The following DCC variants were observed in gnomAD, a reference collection of about 807,000 sequenced individuals.
DCC encodes DCC netrin 1 receptor, also known as netrin receptor DCC.
DCC carries 58 observed loss-of-function variants against 172.5 expected under a neutral mutation model. The ratio of observed to expected loss-of-function variants is 0.34; its 90% CI spans 0.27 to 0.42. The LOEUF (loss-of-function observed/expected upper bound fraction) is 0.42. DCC is among the 10% of genes least tolerant of loss of function. DCC has a pLI of 1.00. For synonymous variants in DCC, 709 were observed against 644.5 expected (o/e 1.10, Z -1.52); for missense variants, 1,740 against 1,791.0 (o/e 0.97, Z 0.51).
chr18:52,474,220 GAGAGAGAGAGAGAGAGAGAGAGAA>G (rs1372983386), intron 1 of DCC, among the ~76,000 whole-genome samples: 3 of 119,046 alleles, frequency 2.5e-5, no homozygotes, highest in East Asian at 5.0e-4. Context: ...GAGAGAGAGA[GAGAGAGAGAGAGAGAGAGAGAGAA>G]AGAGAGAGAA....
At chr18:53,105,051 C>G (rs73957085) in intron 7 of DCC, among the ~76,000 whole-genome samples, 2,069 of 152,070 alleles carry the variant, frequency 0.014, 40 homozygotes, top group African/African-American at 0.047. Flanking sequence ...TTTAATACTA[C>G]TGGAAATGGT....
intron 7 of DCC, among the ~76,000 whole-genome samples, chr18:53,070,705 C>T (rs965589767): frequency 1.3e-5 from 2 of 152,038 alleles, no homozygotes; most frequent in Non-Finnish European, 2.9e-5. Flanking sequence ...CTCTCTTGGT[C>T]GTTGTTTATT....
intron 3 of DCC, among the ~76,000 whole-genome samples, chr18:52,921,528 A>G (rs1397937174): frequency 2.0e-5 from 3 of 151,802 alleles, no homozygotes; most frequent in African/African-American, 7.3e-5. Context: ...GTGAAACTCC[A>G]TCTCTACTAA....
chr18:52,708,770 AC>A (rs1208858279), intron 1 of DCC, among the ~76,000 whole-genome samples: 1 of 152,196 alleles, frequency 6.6e-6, no homozygotes, highest in Non-Finnish European at 1.5e-5. Flanking sequence ...AAGAGAAAAA[AC>A]AAATTTGGTA....
At chr18:52,968,360 G>C (rs2040968978) in intron 5 of DCC, among the ~76,000 whole-genome samples, 3 of 152,128 alleles carry the variant, frequency 2.0e-5, no homozygotes, top group African/African-American at 7.2e-5. Context: ...ATATAGAGGA[G>C]AGCTCCATGT....
At chr18:53,441,316 A>C (rs781339716) in intron 22 of DCC, among the ~76,000 whole-genome samples, 1 of 151,934 alleles carries the variant, frequency 6.6e-6, no homozygotes, top group Admixed American at 6.6e-5. Context: ...AGTAGGTTTT[A>C]ACCTTGACAG....
At chr18:53,186,677 G>C (rs1303347238) in intron 9 of DCC, among the ~76,000 whole-genome samples, 3 of 152,188 alleles carry the variant, frequency 2.0e-5, no homozygotes, top group African/African-American at 7.2e-5. Context: ...TAACATGCTT[G>C]GGATAGAAAA....
chr18:52,482,754 G>T (rs906451589), intron 1 of DCC, among the ~76,000 whole-genome samples: 1 of 152,088 alleles, frequency 6.6e-6, no homozygotes, highest in East Asian at 1.9e-4. Context: ...CAGCCTTCTT[G>T]AAGATTTATC....
chr18:52,969,651 CTT>C (rs1468601732), intron 5 of DCC, among the ~76,000 whole-genome samples: 3 of 149,670 alleles, frequency 2.0e-5, no homozygotes, highest in African/African-American at 7.4e-5. Context: ...CTCTCTCTCT[CTT>C]TCTCATCAGT....
intron 1 of DCC, among the ~76,000 whole-genome samples, chr18:52,511,957 G>A (rs576275452): frequency 1.6e-4 from 25 of 152,158 alleles, no homozygotes; most frequent in Non-Finnish European, 3.2e-4. Flanking sequence ...GAAAGGGTGC[G>A]GCTGTGTTTA....
At chr18:53,313,957 A>G (rs879778669) in intron 13 of DCC, among the ~76,000 whole-genome samples, 1 of 152,250 alleles carries the variant, frequency 6.6e-6, no homozygotes, top group Non-Finnish European at 1.5e-5. Context: ...TGAAAAATCA[A>G]GAAAGTAACC....
At chr18:53,071,428 G>C (rs139708626) in intron 7 of DCC, among the ~76,000 whole-genome samples, 6 of 152,188 alleles carry the variant, frequency 3.9e-5, no homozygotes, top group African/African-American at 1.4e-4. Context: ...TTTAAAAATC[G>C]TTACACTACA....
intron 14 of DCC, among the ~76,000 whole-genome samples, chr18:53,335,771 A>G (rs1422774269): frequency 6.6e-6 from 1 of 152,190 alleles, no homozygotes; most frequent in Non-Finnish European, 1.5e-5. Context: ...GGCAATTTAC[A>G]GAAGCAAGAG....
At chr18:53,339,424 T>C (rs1456684830) in intron 14 of DCC, among the ~76,000 whole-genome samples, 2 of 152,092 alleles carry the variant, frequency 1.3e-5, no homozygotes, top group Admixed American at 6.5e-5. Context: ...AGAAGAGATA[T>C]GTAAAAAGAA....
At chr18:53,121,006 C>T (rs546914616) in intron 7 of DCC, among the ~76,000 whole-genome samples, 4 of 151,900 alleles carry the variant, frequency 2.6e-5, no homozygotes, top group Middle Eastern at 3.4e-3. Context: ...GGGGAAAATA[C>T]ATTTTATCAT....
intron 2 of DCC, among the ~76,000 whole-genome samples, chr18:52,818,879 AAGTT>A (rs755123832): frequency 2.0e-5 from 3 of 152,330 alleles, no homozygotes; most frequent in African/African-American, 4.8e-5. Flanking sequence ...CAGATACAAA[AAGTT>A]AGAGACTTGA....
intron 2 of DCC, among the ~76,000 whole-genome samples, chr18:52,838,206 C>A (rs570331575): frequency 2.6e-4 from 39 of 152,102 alleles, no homozygotes; most frequent in Non-Finnish European, 5.4e-4. Flanking sequence ...TATTTTTAAA[C>A]TTTATAAAAT....
chr18:53,419,103 A>G lies in DCC; in HGVS notation c.3163+2947A>G, dbSNP rs532118747. ...TGGGTAAGGAAATTGCACAGGCTCT[A>G]TGAAGCGGGTGCAGAGGTTAGATAG... On this transcript the variant is annotated intron_variant, in intron 21 of 28. Coordinates refer to ENST00000442544, the MANE Select transcript of DCC (RefSeq NM_005215.4). 1.5e-3 allele frequency among the ~76,000 whole-genome samples: 223 copies of G among 152,292 alleles called. 2 individuals are homozygous for G. Among genetic ancestry groups the G allele is most frequent in the African/African-American group, 5.0e-3 (207 of 41,572 alleles).
At chr18:52,806,693 T>C (rs1400260113) in intron 2 of DCC, among the ~76,000 whole-genome samples, 1 of 152,226 alleles carries the variant, frequency 6.6e-6, no homozygotes, top group Non-Finnish European at 1.5e-5. Flanking sequence ...GCCACCTTTC[T>C]TTCTGTCACT....
Sources: gnomAD v4.1 joint callset for allele counts (sites outside exome capture counted in the v4.1 genomes callset) on GRCh38, gnomAD v4.1.1 for gene constraint, MANE v1.5 for transcripts, NCBI Gene and HGNC (gene_info 2026-07-23, HGNC 2026-07-21) for gene names.